The following TRDN variants were observed in gnomAD, a reference collection of about 807,000 sequenced individuals.
TRDN encodes the protein triadin in skeletal muscle.
In TRDN, 161 loss-of-function variants were observed where a neutral mutation model predicts 149.7. That is an observed-to-expected ratio of 1.08 (90% CI 0.95 to 1.23). TRDN has a LOEUF of 1.23. Ranked by LOEUF, TRDN falls within the 50% of genes most tolerant of loss-of-function variation. TRDN has a pLI of 0.00. For missense variants in TRDN, 896 were observed against 823.5 expected, an observed-to-expected ratio of 1.09 and a Z score of -1.08; for synonymous variants, 294 against 250.5, an observed-to-expected ratio of 1.17 and a Z score of -1.64.
chr6:123,357,880 T>A (rs1030553), intron 20 of TRDN, among the ~76,000 whole-genome samples: 12,761 of 152,208 alleles, frequency 0.084, 1,774 homozygotes, highest in African/African-American at 0.29. Context: ...TCCCTTAAAG[T>A]GCTATGTTTT....
intron 9 of TRDN, among the ~76,000 whole-genome samples, chr6:123,481,920 A>C (rs1162478300): frequency 1.3e-5 from 2 of 152,160 alleles, no homozygotes; most frequent in Non-Finnish European, 2.9e-5. Flanking sequence ...CTTCTCTGTT[A>C]TTTAGAGATC....
chr6:123,340,418 T>C (rs1298645716), intron 21 of TRDN, among the ~76,000 whole-genome samples: 1 of 152,110 alleles, frequency 6.6e-6, no homozygotes, highest in Non-Finnish European at 1.5e-5. Flanking sequence ...AGAATGTTAA[T>C]ACAAATATTT....
At chr6:123,315,794 C>A (rs538095206) in intron 24 of TRDN, among the ~76,000 whole-genome samples, 1 of 151,898 alleles carries the variant, frequency 6.6e-6, no homozygotes, top group Non-Finnish European at 1.5e-5. Flanking sequence ...TTCCCATATT[C>A]TATGATATTC....
chr6:123,230,007 C>T (rs1325177081), intron 38 of TRDN, among the ~76,000 whole-genome samples: 1 of 151,554 alleles, frequency 6.6e-6, no homozygotes, highest in Admixed American at 6.6e-5. Context: ...TATTAAAGAC[C>T]CCAAAATATT....
At chr6:123,466,842 G>T (rs1458086083) in intron 9 of TRDN, among the ~76,000 whole-genome samples, 1 of 151,900 alleles carries the variant, frequency 6.6e-6, no homozygotes, top group Non-Finnish European at 1.5e-5. Flanking sequence ...TCATAGAATG[G>T]TGCCTGTTGA....
At chr6:123,603,764 A>G (rs1784387230) in intron 1 of TRDN, among the ~76,000 whole-genome samples, 1 of 152,096 alleles carries the variant, frequency 6.6e-6, no homozygotes, top group Admixed American at 6.6e-5. Flanking sequence ...ATTCCCTTGG[A>G]TATCTACTTT....
At chr6:123,393,782 T>C (rs1772606889) in intron 12 of TRDN, 105 bp from the exon 13 acceptor site, 1 of 1,094,144 alleles carries the variant, frequency 9.1e-7, no homozygotes, top group African/African-American at 1.6e-5. Flanking sequence ...TAAAAAGTGT[T>C]GCTTTTGACA....
chr6:123,269,713 C>A (rs1423086825), intron 31 of TRDN, 136 bp downstream of exon 31: 2 of 758,494 alleles, frequency 2.6e-6, no homozygotes, highest in East Asian at 3.0e-5. Context: ...ATAGCAATAA[C>A]ATTAATTTAT....
intron 1 of TRDN, among the ~76,000 whole-genome samples, chr6:123,603,326 T>C (rs776275071): frequency 5.3e-5 from 8 of 152,096 alleles, no homozygotes; most frequent in Non-Finnish European, 8.8e-5. Flanking sequence ...ACTGAAACTT[T>C]AGTACTATAA....
At chr6:123,402,991 G>C (rs542479206) in intron 12 of TRDN, among the ~76,000 whole-genome samples, 1 of 152,272 alleles carries the variant, frequency 6.6e-6, no homozygotes, top group South Asian at 2.1e-4. Flanking sequence ...ATATTGAGTA[G>C]ACATTTGAAG....
At chr6:123,414,121 A>C (rs1281344974) in intron 12 of TRDN, among the ~76,000 whole-genome samples, 3 of 152,078 alleles carry the variant, frequency 2.0e-5, no homozygotes, top group African/African-American at 7.2e-5. Context: ...ATTAAGGTTA[A>C]TTTTACATGA....
intron 21 of TRDN, among the ~76,000 whole-genome samples, chr6:123,347,052 G>A (rs899470993): frequency 7.9e-5 from 12 of 152,038 alleles, no homozygotes; most frequent in African/African-American, 2.4e-4. Flanking sequence ...AATGGAGAAC[G>A]TGGGGTAGAA....
intron 1 of TRDN, among the ~76,000 whole-genome samples, chr6:123,581,517 C>T (rs1185294413): frequency 1.3e-5 from 2 of 152,236 alleles, no homozygotes; most frequent in African/African-American, 4.8e-5. Flanking sequence ...AGGAAATCAG[C>T]TTTAAAAAGT....
intron 16 of TRDN, among the ~76,000 whole-genome samples, chr6:123,380,640 A>G (rs1781677971): frequency 6.6e-6 from 1 of 151,792 alleles, no homozygotes; most frequent in Non-Finnish European, 1.5e-5. Flanking sequence ...AACATTTTTG[A>G]TATCACTAGA....
intron 10 of TRDN, among the ~76,000 whole-genome samples, chr6:123,457,361 T>G (rs1776188244): frequency 6.6e-6 from 1 of 152,214 alleles, no homozygotes; most frequent in East Asian, 1.9e-4. Flanking sequence ...AAAACAAAAC[T>G]GCTTCCTCTT....
intron 1 of TRDN, among the ~76,000 whole-genome samples, chr6:123,616,201 T>G (rs1380815552): frequency 6.6e-6 from 1 of 152,040 alleles, no homozygotes; most frequent in Non-Finnish European, 1.5e-5. Context: ...AAAAATTAGC[T>G]GGGTGTCGTG....
At chr6:123,525,757 C>A (rs1562365021) in intron 5 of TRDN, among the ~76,000 whole-genome samples, 1 of 152,006 alleles carries the variant, frequency 6.6e-6, no homozygotes, top group Non-Finnish European at 1.5e-5. Flanking sequence ...CTCTGACTGA[C>A]TGGCATGCAT....
At chr6:123,345,156 G>A (rs1299411607) in intron 21 of TRDN, among the ~76,000 whole-genome samples, 2 of 151,714 alleles carry the variant, frequency 1.3e-5, no homozygotes, top group African/African-American at 4.8e-5. Context: ...TTATTTCCCA[G>A]GAATTTTATA....
At chr6:123,537,385 G>A (rs1393019073) in intron 4 of TRDN, among the ~76,000 whole-genome samples, 1 of 152,090 alleles carries the variant, frequency 6.6e-6, no homozygotes, top group Non-Finnish European at 1.5e-5. Context: ...ACATTTGAGA[G>A]GACAAGGATA....
Sources: gnomAD v4.1 joint callset for allele counts (sites outside exome capture counted in the v4.1 genomes callset) on GRCh38, gnomAD v4.1.1 for gene constraint, MANE v1.5 for transcripts, NCBI Gene and HGNC (gene_info 2026-07-23, HGNC 2026-07-21) for gene names.